ITPKB: variants seen among roughly 807,000 people sequenced by gnomAD.
The protein encoded by ITPKB is inositol-trisphosphate 3-kinase B, also known as IP3 3-kinase B.
In ITPKB, 13 loss-of-function variants were observed where a neutral mutation model predicts 69.4. The ratio of observed to expected loss-of-function variants is 0.19; its 90% confidence interval spans 0.12 to 0.30. The LOEUF (loss-of-function observed/expected upper bound fraction) is 0.30, where lower values mean the gene tolerates loss of function less well. Among genes scored for constraint, ITPKB ranks in the 10% least tolerant of loss-of-function variants. The pLI is 1.00. For missense variants in ITPKB, 1,240 were observed against 1,250.5 expected, an observed-to-expected ratio of 0.99 and a Z score of 0.13; for synonymous variants, 584 against 513.7, an observed-to-expected ratio of 1.14 and a Z score of -1.85.
chr1:226,655,103 G>A (rs996267531), intron 2 of ITPKB, among the ~76,000 whole-genome samples: 2 of 152,032 alleles, frequency 1.3e-5, no homozygotes, highest in Admixed American at 6.5e-5. Flanking sequence ...GAGGGCAGGA[G>A]GAAGAAGAGG....
At chr1:226,721,160 A>G (rs1012893406) in intron 2 of ITPKB, among the ~76,000 whole-genome samples, 1 of 149,524 alleles carries the variant, frequency 6.7e-6, no homozygotes, top group Non-Finnish European at 1.5e-5. Flanking sequence ...CCTGACCAAC[A>G]TGGAGAAACC....
intron 2 of ITPKB, among the ~76,000 whole-genome samples, chr1:226,696,772 TA>T (rs1396223476): frequency 6.6e-6 from 1 of 152,200 alleles, no homozygotes; most frequent in Non-Finnish European, 1.5e-5. Context: ...TCACACTTAC[TA>T]AGGCCTGAGA....
At chr1:226,689,360 C>G (rs1451169512) in intron 2 of ITPKB, among the ~76,000 whole-genome samples, 3 of 152,152 alleles carry the variant, frequency 2.0e-5, no homozygotes, top group Non-Finnish European at 1.5e-5. Flanking sequence ...TGTGGAGCAG[C>G]CTTTGTTTCC....
chr1:226,699,578 A>G (rs1488865392), intron 2 of ITPKB, among the ~76,000 whole-genome samples: 1 of 152,250 alleles, frequency 6.6e-6, no homozygotes, highest in African/African-American at 2.4e-5. Flanking sequence ...TAAATAAGCC[A>G]AAATATTCAA....
intron 2 of ITPKB, among the ~76,000 whole-genome samples, chr1:226,666,624 A>C (rs1195736871): frequency 3.9e-5 from 6 of 152,122 alleles, no homozygotes. Context: ...GTCAATCACT[A>C]AAGTTCCTAA....
At chr1:226,732,664 A>G (rs1331260659) in intron 2 of ITPKB, among the ~76,000 whole-genome samples, 2 of 152,084 alleles carry the variant, frequency 1.3e-5, no homozygotes, top group Non-Finnish European at 2.9e-5. Context: ...TGGTGTCTCA[A>G]TGGTCCAGAT....
chr1:226,636,647 C>T (rs749742332), intron 7 of ITPKB, among the ~76,000 whole-genome samples: 1 of 152,180 alleles, frequency 6.6e-6, no homozygotes, highest in African/African-American at 2.4e-5. Context: ...AGAGTCCCTA[C>T]GAGAGGGGCT....
At chr1:226,706,548 G>A (rs1656805455) in intron 2 of ITPKB, among the ~76,000 whole-genome samples, 2 of 152,216 alleles carry the variant, frequency 1.3e-5, no homozygotes, top group African/African-American at 2.4e-5. Flanking sequence ...GAAAAAGGGT[G>A]TGTGGCTTTC....
chr1:226,723,406 T>C (rs1657303166), intron 2 of ITPKB, among the ~76,000 whole-genome samples: 1 of 152,106 alleles, frequency 6.6e-6, no homozygotes, highest in Admixed American at 6.5e-5. Flanking sequence ...AAACATCTCC[T>C]TAATCTCAGA....
In ITPKB at chr1:226,641,900, G is replaced by T. The variant is rs761281405; in HGVS notation, c.2451+21C>A. The T allele has an allele frequency of 1.2e-6, 2 of 1,605,448 alleles. No homozygotes were observed. The highest frequency in any genetic ancestry group is 2.2e-5 in the East Asian group (1 of 44,758). On this transcript the variant is annotated intron_variant, in intron 5 of 7. Transcript: ENST00000429204. The surrounding 1 kb of genome is among the most constrained non-coding windows in gnomAD (Gnocchi z 4.6). The stretch of plus-strand genomic sequence containing the variant: ...GTGGGCACGGGTGGGGCCCGAGGCT[G>T]CCCTCACTCGCCGGCCTCACCTTGA...
Position 226,736,599 on chromosome 1 carries a change from C to A in ITPKB, c.860G>T (p.Ser287Ile), listed in dbSNP as rs763066529. ...CAGCCCCAATGAGGGAGCTAGGCAG[C>A]TCCGAGTTCCCGGGGTAGGAGAGCC... ...KRGSPTPGTR[S>I]CLAPSLGLFG... The change falls in exon 2 of 8, where the codon AGC becomes ATC. Residue 287 changes from serine to isoleucine, a missense_variant. Around this residue, in one of 2 missense-constraint regions of ITPKB, gnomAD observed 992 missense variants for 853.8 expected, o/e 1.16. Transcript: ENST00000429204. 1.2e-6 allele frequency: 2 copies of A among 1,613,844 alleles called. No homozygotes were observed. The highest frequency in any genetic ancestry group is 2.2e-5 in the South Asian group (2 of 91,088).
At chr1:226,726,955 G>C (rs1362713726) in intron 2 of ITPKB, among the ~76,000 whole-genome samples, 1 of 152,148 alleles carries the variant, frequency 6.6e-6, no homozygotes, top group Non-Finnish European at 1.5e-5. Flanking sequence ...CAGGTAGTTA[G>C]ATTTTCCACT....
At chr1:226,691,295 T>C (rs1174091927) in intron 2 of ITPKB, among the ~76,000 whole-genome samples, 2 of 152,080 alleles carry the variant, frequency 1.3e-5, no homozygotes, top group Non-Finnish European at 2.9e-5. Context: ...AATCTCTTCC[T>C]CAAACAAACT....
At chr1:226,686,512 A>C (rs1410833570) in intron 2 of ITPKB, among the ~76,000 whole-genome samples, 1 of 152,182 alleles carries the variant, frequency 6.6e-6, no homozygotes, top group Non-Finnish European at 1.5e-5. Context: ...CCTTTAGCTC[A>C]GTGGGAAAAA....
chr1:226,693,385 T>G (rs569925103), intron 2 of ITPKB, among the ~76,000 whole-genome samples: 1 of 152,330 alleles, frequency 6.6e-6, no homozygotes, highest in South Asian at 2.1e-4. Flanking sequence ...GGAAAACCCC[T>G]GCCTAAGAGT....
chr1:226,736,186 C>T lies in ITPKB; in HGVS notation c.1273G>A (p.Glu425Lys), dbSNP rs201162163. ...PRALASVGPE[E>K]ARSGAPVGGG... ...CCCACGGGGGCCCCACTTCGGGCCT[C>T]CTCAGGGCCTACGGAGGCCAGGGCC... Residue 425 changes from glutamate to lysine, a missense_variant, in exon 2 of 8, where the codon GAG becomes AAG. Physicochemically the swap from Glu to Lys is moderately conservative, Grantham distance 56. Transcript: ENST00000429204. The T allele has an allele frequency of 1.1e-5, 17 of 1,544,656 alleles. No individual in the cohort carries two copies. In the South Asian group the frequency reaches 2.0e-4, roughly 18 times the overall value.
At chr1:226,646,023 CCTCTGT>C (rs900039867) in intron 4 of ITPKB, among the ~76,000 whole-genome samples, 12 of 152,254 alleles carry the variant, frequency 7.9e-5, no homozygotes, top group African/African-American at 2.6e-4. Flanking sequence ...TCTCTCCTGG[CCTCTGT>C]CTCTGTCTCT....
intron 2 of ITPKB, among the ~76,000 whole-genome samples, chr1:226,678,771 G>A (rs370078670): frequency 3.3e-5 from 5 of 152,210 alleles, no homozygotes; most frequent in African/African-American, 9.7e-5. Flanking sequence ...TCTTGACAAC[G>A]GTGTTCATGA....
intron 2 of ITPKB, among the ~76,000 whole-genome samples, chr1:226,708,589 A>G (rs577396703): frequency 6.6e-6 from 1 of 152,314 alleles, no homozygotes; most frequent in East Asian, 1.9e-4. Context: ...GGATATTATC[A>G]TTTCCACACA....
Sources: allele counts gnomAD v4.1 joint callset (sites outside exome capture counted in the v4.1 genomes callset), GRCh38; gene constraint gnomAD v4.1.1; regional missense constraint gnomAD v4.1.1; non-coding constraint Gnocchi (gnomAD v3.1); transcripts MANE v1.5; gene names NCBI Gene and HGNC (gene_info 2026-07-23, HGNC 2026-07-21).